Variants in WASHC4 observed in about 807,000 individuals in gnomAD.
WASHC4 encodes the protein WASH complex subunit 4, also known as WASH complex subunit 7.
Under a neutral mutation model 166.6 loss-of-function variants are expected in WASHC4, and 86 were observed. The observed-to-expected ratio is 0.52, with a 90% confidence interval of 0.43 to 0.62. The LOEUF is 0.62. WASHC4 is among the 20% of genes least tolerant of loss of function. The pLI is 0.00. For missense variants in WASHC4, 1,262 were observed against 1,382.4 expected, an observed-to-expected ratio of 0.91 and a Z score of 1.38; for synonymous variants, 446 against 451.6, an observed-to-expected ratio of 0.99 and a Z score of 0.16.
chr12:105,138,796 A>C (rs1882543645), intron 15 of WASHC4, among the ~76,000 whole-genome samples: 1 of 152,176 alleles, frequency 6.6e-6, no homozygotes, highest in Non-Finnish European at 1.5e-5. Context: ...CTATAAATAC[A>C]GACAAGTATA....
At chr12:105,166,669 G>A (rs1427699366) in intron 32 of WASHC4, among the ~76,000 whole-genome samples, 195 bp from the exon 33 acceptor site, 2 of 152,142 alleles carry the variant, frequency 1.3e-5, no homozygotes, top group Admixed American at 1.3e-4. Flanking sequence ...GGAAACAATT[G>A]CAGTGTTTAG....
Position 105,142,454 on chromosome 12 carries a change from G to A in WASHC4, c.1789G>A (p.Val597Ile). The stretch of plus-strand genomic sequence containing the variant: ...ACTGATTACTACTTTACATTGTAGA[G>A]TCCAAACACAATGTGACTGTTGTTT... ...LDLISELRER[V>I]QTQCDCCFLY... The change falls in exon 19 of 33, where the codon GTC becomes ATC. Residue 597 changes from valine to isoleucine, a missense_variant and splice_region_variant. By Grantham distance (29) the Val-to-Ile change is conservative. Coordinates refer to ENST00000332180, the MANE Select transcript of WASHC4 (RefSeq NM_015275.3). 1 of 1,577,782 alleles carries A rather than the reference G, an allele frequency of 6.3e-7. No individual in the cohort carries two copies. The highest frequency in any genetic ancestry group is 8.7e-7 in the Non-Finnish European group (1 of 1,147,928).
At chr12:105,162,662 T>C (rs762233956) in intron 29 of WASHC4, 87 bp from the exon 30 acceptor site, 17 of 732,996 alleles carry the variant, frequency 2.3e-5, no homozygotes, top group Non-Finnish European at 2.7e-5. Context: ...AGTGATTCTA[T>C]TTATAATTTT....
At chr12:105,125,856 T>G in intron 10 of WASHC4, 148 bp from the exon 11 acceptor site, 1 of 713,812 alleles carries the variant, frequency 1.4e-6, no homozygotes, top group Non-Finnish European at 2.3e-6. Flanking sequence ...AAATATTAGA[T>G]TAGATTAAGA....
At chr12:105,157,345 A>G (rs1175728192) in intron 28 of WASHC4, 23 bp downstream of exon 28, 2 of 1,330,730 alleles carry the variant, frequency 1.5e-6, no homozygotes, top group East Asian at 4.6e-5. Context: ...TGGAAATATA[A>G]AAAAGTGTGT....
At chr12:105,159,111 T>C (rs1566029604) in intron 28 of WASHC4, among the ~76,000 whole-genome samples, 1 of 152,242 alleles carries the variant, frequency 6.6e-6, no homozygotes, top group Non-Finnish European at 1.5e-5. Context: ...GAAAATGGTT[T>C]AAATAGTTTC....
At chr12:105,110,716 TGACA>T (rs1244265872) in intron 1 of WASHC4, among the ~76,000 whole-genome samples, 3 of 152,226 alleles carry the variant, frequency 2.0e-5, no homozygotes, top group African/African-American at 7.2e-5. Context: ...GTTACTTCTG[TGACA>T]GACTGTTTTT....
intron 9 of WASHC4, among the ~76,000 whole-genome samples, chr12:105,121,806 C>G (rs963856071): frequency 6.6e-6 from 1 of 152,072 alleles, no homozygotes; most frequent in Admixed American, 6.5e-5. Context: ...ATGCCCAGCC[C>G]GACAGTTTTT....
intron 12 of WASHC4, 102 bp downstream of exon 12, chr12:105,126,464 T>A (rs1474991310): frequency 2.3e-5 from 22 of 940,938 alleles, no homozygotes; most frequent in Non-Finnish European, 3.5e-5. Flanking sequence ...CAAAAATAAT[T>A]TAAAAGTATT....
chr12:105,146,352 T>G (rs1239257905), intron 22 of WASHC4, 100 bp from the exon 23 acceptor site: 2 of 767,312 alleles, frequency 2.6e-6, no homozygotes, highest in African/African-American at 3.6e-5. Context: ...ACTTAAAAAT[T>G]ATTAGGAAAC....
intron 14 of WASHC4, among the ~76,000 whole-genome samples, chr12:105,136,669 G>A (rs150729086): frequency 1.2e-4 from 18 of 152,164 alleles, no homozygotes; most frequent in East Asian, 1.9e-4. Context: ...TTCCTTGTTT[G>A]TGCTTTTTAA....
In WASHC4 at chr12:105,107,731, A is replaced by T. The variant is rs1879202789; in HGVS notation, c.-70A>T. The T allele has an allele frequency of 7.8e-6, 9 of 1,154,244 alleles. No homozygotes were observed. Among genetic ancestry groups the T allele is most frequent in the Non-Finnish European group, 8.8e-6 (7 of 798,234 alleles). The allele number at this position is 1,154,244 out of a possible 1,614,324, so 71.5% of individuals were successfully genotyped here. A position where few individuals can be genotyped will look rare whatever the true frequency, so the allele number is the denominator to read the frequency against. On this transcript the variant is annotated 5_prime_UTR_variant, in exon 1 of 33. Transcript: ENST00000332180. ...GGGGCCGGAAGTCACGTGCTGTGAC[A>T]GTAGCTGGGGTGAGGCCGTCGTCGC...
intron 15 of WASHC4, among the ~76,000 whole-genome samples, chr12:105,138,657 T>G: frequency 6.6e-6 from 1 of 152,318 alleles, no homozygotes; most frequent in East Asian, 1.9e-4. Flanking sequence ...AATTTTCTCC[T>G]AATAATTGAC....
intron 2 of WASHC4, among the ~76,000 whole-genome samples, chr12:105,112,211 G>A (rs1433924454): frequency 6.6e-6 from 1 of 152,008 alleles, no homozygotes; most frequent in African/African-American, 2.4e-5. Context: ...CATCTATGTT[G>A]TCACATGTTT....
chr12:105,162,773 A>G lies in WASHC4; in HGVS notation c.3085A>G (p.Ile1029Val), dbSNP rs764509691. ...PLTLNFVEHSISCKEKLNKKN... is the reference protein window; with the variant it reads ...PLTLNFVEHSVSCKEKLNKKN... ...GACCCTCAACTTTGTAGAGCATTCC[A>G]TTAGTTGCAAGGAAAAATTAAATAA... Residue 1029 changes from isoleucine to valine, a missense_variant, in exon 30 of 33, where the codon ATT becomes GTT. By Grantham distance (29) the Ile-to-Val change is conservative. Coordinates refer to ENST00000332180, the MANE Select transcript of WASHC4 (RefSeq NM_015275.3). 2.5e-6 allele frequency: 4 copies of G among 1,595,474 alleles called. No homozygotes were observed. The highest frequency in any genetic ancestry group is 1.3e-5 in the African/African-American group (1 of 74,666).
chr12:105,142,507 A>G lies in WASHC4; in HGVS notation c.1842A>G (p.Pro614=). Residue 614 remains proline (P), a synonymous_variant, in exon 19 of 33, where the codon CCA becomes CCG. Coordinates refer to ENST00000332180, the MANE Select transcript of WASHC4 (RefSeq NM_015275.3). Reference sequence around the variant, plus strand: ...TATACTGGCATCGAGCTGTCTTCCCAATTTATTTAGATGATGTATATGAAA... The same window carrying G: ...TATACTGGCATCGAGCTGTCTTCCCGATTTATTTAGATGATGTATATGAAA... ...CFLYWHRAVF[P]IYLDDVYENA... 6.2e-7 allele frequency: 1 copy of G among 1,610,262 alleles called. No individual in the cohort carries two copies. Among genetic ancestry groups the G allele is most frequent in the South Asian group, 1.1e-5 (1 of 91,014 alleles).
chr12:105,107,960 C>G lies in WASHC4; in HGVS notation c.61+99C>G. 4.5e-6 allele frequency: 4 copies of G among 886,420 alleles called. No homozygotes were observed. In the South Asian group the frequency reaches 5.7e-5, roughly 13 times the overall value. The allele number at this position is 886,420 out of a possible 1,614,324, so 54.9% of individuals were successfully genotyped here. A position where few individuals can be genotyped will look rare whatever the true frequency, so the allele number is the denominator to read the frequency against. ...TCCTGCGAGAGGGACGGCTGCGCAG[C>G]CGTCTGGTGCGGGACACTTCAGAGC... On this transcript the variant is annotated intron_variant, in intron 1 of 32. Coordinates refer to ENST00000332180, the MANE Select transcript of WASHC4 (RefSeq NM_015275.3).
At position 105,149,707 on chromosome 12, in the gene WASHC4, T is replaced by TA. The variant is rs1423306057; in HGVS notation, c.2608dup (p.Ile870AsnfsTer8). On this transcript the variant is annotated frameshift_variant, in exon 25 of 33. Transcript: ENST00000332180. LOFTEE classifies it high-confidence loss of function. ...ACATCAAATCCAGATTGATTAAAGA[T>TA]ATTCGATTTTTCAGGGAAATTAAGG... The TA allele has an allele frequency of 6.3e-7, 1 of 1,584,336 alleles. No homozygotes were observed. The highest frequency in any genetic ancestry group is 8.7e-7 in the Non-Finnish European group (1 of 1,154,996).
chr12:105,164,803 C>A, intron 32 of WASHC4, 63 bp downstream of exon 32: 1 of 1,066,066 alleles, frequency 9.4e-7, no homozygotes, highest in Non-Finnish European at 1.4e-6. Flanking sequence ...CAGTAATGCA[C>A]CATTTTATCT....
Sources: gnomAD v4.1 joint callset for allele counts (sites outside exome capture counted in the v4.1 genomes callset) on GRCh38, gnomAD v4.1.1 for gene constraint, MANE v1.5 for transcripts, NCBI Gene and HGNC (gene_info 2026-07-23, HGNC 2026-07-21) for gene names.